Variants in ABTB3 observed in about 807,000 individuals in gnomAD.
ABTB3 encodes the protein ankyrin repeat- and BTB/POZ domain-containing protein 3.
At chr12:107,635,357 A>G in the ABTB3 span, 1 of 1,613,436 alleles carries the variant, frequency 6.2e-7, no homozygotes, top group South Asian at 1.1e-5. Flanking sequence ...CCCCAAGCTC[A>G]CAGAAATCAA....
At chr12:107,539,303 T>G in the ABTB3 span, among the ~76,000 whole-genome samples, 1 of 152,172 alleles carries the variant, frequency 6.6e-6, no homozygotes, top group Non-Finnish European at 1.5e-5. Context: ...TGAGTTTTCT[T>G]CTAGGTCCCT....
chr12:107,414,325 A>G, the ABTB3 span, among the ~76,000 whole-genome samples: 1 of 152,156 alleles, frequency 6.6e-6, no homozygotes, highest in Non-Finnish European at 1.5e-5. Context: ...ACAGAACGTG[A>G]TGCTTTAAAA....
chr12:107,614,607 G>T, the ABTB3 span, among the ~76,000 whole-genome samples: 2 of 152,182 alleles, frequency 1.3e-5, no homozygotes, highest in African/African-American at 4.8e-5. Context: ...GAAGGAAGAA[G>T]GGGACAGGCC....
At chr12:107,491,049 G>C in the ABTB3 span, among the ~76,000 whole-genome samples, 3 of 152,182 alleles carry the variant, frequency 2.0e-5, no homozygotes, top group African/African-American at 7.2e-5. Context: ...CTTCCCAGGA[G>C]TCATGGTGTG....
chr12:107,406,977 A>C, the ABTB3 span, among the ~76,000 whole-genome samples: 1 of 152,030 alleles, frequency 6.6e-6, no homozygotes, highest in Non-Finnish European at 1.5e-5. Context: ...CTACCCCTGC[A>C]ATTTGGCTGC....
chr12:107,510,200 G>C, the ABTB3 span, among the ~76,000 whole-genome samples: 21 of 152,248 alleles, frequency 1.4e-4, no homozygotes, highest in Admixed American at 4.6e-4. Flanking sequence ...TTAAAGCTGA[G>C]ACATGGTGCC....
chr12:107,495,946 A>T, the ABTB3 span, among the ~76,000 whole-genome samples: 1 of 152,140 alleles, frequency 6.6e-6, no homozygotes, highest in Non-Finnish European at 1.5e-5. Flanking sequence ...ATGAAAGTTA[A>T]CTGTAGAATG....
chr12:107,450,257 G>A, the ABTB3 span, among the ~76,000 whole-genome samples: 1 of 152,022 alleles, frequency 6.6e-6, no homozygotes, highest in South Asian at 2.1e-4. Context: ...CTATGCCTCT[G>A]GGTTGATATT....
At chr12:107,402,556 C>T in the ABTB3 span, among the ~76,000 whole-genome samples, 1 of 152,234 alleles carries the variant, frequency 6.6e-6, no homozygotes, top group Non-Finnish European at 1.5e-5. Flanking sequence ...CGGCTACTGG[C>T]CTGCAAATGG....
At chr12:107,639,654 G>A in the ABTB3 span, among the ~76,000 whole-genome samples, 8 of 152,140 alleles carry the variant, frequency 5.3e-5, no homozygotes, top group South Asian at 2.1e-4. Flanking sequence ...CAGGCAAATC[G>A]GAGGATCCTA....
At chr12:107,574,029 T>C in the ABTB3 span, among the ~76,000 whole-genome samples, 1 of 152,216 alleles carries the variant, frequency 6.6e-6, no homozygotes. Context: ...AATACTGCTA[T>C]GAATACAAAA....
At chr12:107,349,127 G>A in the ABTB3 span, among the ~76,000 whole-genome samples, 8 of 152,238 alleles carry the variant, frequency 5.3e-5, no homozygotes, top group Non-Finnish European at 7.3e-5. Flanking sequence ...GCAGCTGCAG[G>A]TGGTGACTGG....
chr12:107,655,608 T>G, the ABTB3 span, among the ~76,000 whole-genome samples: 1 of 152,232 alleles, frequency 6.6e-6, no homozygotes, highest in Non-Finnish European at 1.5e-5. Flanking sequence ...GGCGTTTAGA[T>G]GCTAAGAGCC....
the ABTB3 span, among the ~76,000 whole-genome samples, chr12:107,639,364 G>C: frequency 1.3e-5 from 2 of 152,170 alleles, no homozygotes; most frequent in Non-Finnish European, 2.9e-5. Flanking sequence ...GGCATGATCA[G>C]AGCTAGCTTT....
chr12:107,561,977 C>T, the ABTB3 span, among the ~76,000 whole-genome samples: 6 of 152,170 alleles, frequency 3.9e-5, no homozygotes, highest in African/African-American at 1.4e-4. Context: ...TCCCATTAGA[C>T]TTTGTGCATT....
chr12:107,398,718 G>A, the ABTB3 span, among the ~76,000 whole-genome samples: 1 of 152,064 alleles, frequency 6.6e-6, no homozygotes, highest in African/African-American at 2.4e-5. Context: ...AGGTAGGGGG[G>A]TGGATGACTG....
chr12:107,370,959 C>T, the ABTB3 span, among the ~76,000 whole-genome samples: 9 of 151,912 alleles, frequency 5.9e-5, no homozygotes, highest in South Asian at 1.2e-3. Flanking sequence ...TCCTACTATA[C>T]GGCAGCCCTC....
At chr12:107,517,348 C>T in the ABTB3 span, among the ~76,000 whole-genome samples, 22 of 152,234 alleles carry the variant, frequency 1.4e-4, no homozygotes, top group African/African-American at 2.2e-4. Context: ...CTTGGCAATG[C>T]GGGCTCTTTT....
chr12:107,510,148 G>A, the ABTB3 span, among the ~76,000 whole-genome samples: 4 of 152,116 alleles, frequency 2.6e-5, no homozygotes, highest in Admixed American at 2.6e-4. Flanking sequence ...CCCATTCAAG[G>A]GCTGCTGCGT....
Sources: gnomAD v4.1 joint callset for allele counts (sites outside exome capture counted in the v4.1 genomes callset) on GRCh38, gnomAD v4.1.1 for gene constraint, MANE v1.5 for transcripts, NCBI Gene and HGNC (gene_info 2026-07-23, HGNC 2026-07-21) for gene names.